The following DPP10 variants were observed in gnomAD, a reference collection of about 807,000 sequenced individuals.
DPP10 encodes the protein dipeptidyl peptidase like 10, also known as inactive dipeptidyl peptidase 10.
DPP10 carries 33 observed loss-of-function variants against 120.9 expected under a neutral mutation model. The observed-to-expected ratio is 0.27, with a 90% CI of 0.21 to 0.37. The LOEUF (loss-of-function observed/expected upper bound fraction) is 0.37, where lower values mean the gene tolerates loss of function less well. DPP10 is among the 10% of genes least tolerant of loss of function. The probability of loss-of-function intolerance (pLI) is 1.00; values close to 1 mark genes in which losing one functional copy is unlikely to be tolerated. For synonymous variants in DPP10, 337 were observed against 326.1 expected, an observed-to-expected ratio of 1.03 and a Z score of -0.36; for missense variants, 816 against 942.8, an observed-to-expected ratio of 0.87 and a Z score of 1.76.
intron 1 of DPP10, among the ~76,000 whole-genome samples, chr2:114,591,554 A>ATTTTTTTTTTTTTTTTTTTTTT (rs70937292): frequency 1.6e-5 from 2 of 124,604 alleles, no homozygotes; most frequent in African/African-American, 6.3e-5. Flanking sequence ...ACCTCTTCCT[A>ATTTTTTTTTTTTTTTTTTTTTT]TTTTTTTTTT....
intron 21 of DPP10, among the ~76,000 whole-genome samples, chr2:115,829,433 T>G (rs1688701155): frequency 1.3e-5 from 2 of 152,120 alleles, no homozygotes; most frequent in African/African-American, 4.8e-5. Context: ...TATAACTCAT[T>G]TTAATATTTT....
intron 1 of DPP10, among the ~76,000 whole-genome samples, chr2:114,684,354 T>C (rs1699230092): frequency 6.6e-6 from 1 of 152,102 alleles, no homozygotes; most frequent in Non-Finnish European, 1.5e-5. Context: ...GTGTGACATG[T>C]TCACCTGGTG....
intron 25 of DPP10, among the ~76,000 whole-genome samples, chr2:115,841,908 A>T (rs1352825507): frequency 6.6e-6 from 1 of 152,236 alleles, no homozygotes; most frequent in African/African-American, 2.4e-5. Context: ...AAGGGCCTTT[A>T]GTCAAAAAGA....
At chr2:115,516,683 A>C (rs1420406654) in intron 4 of DPP10, among the ~76,000 whole-genome samples, 1 of 151,640 alleles carries the variant, frequency 6.6e-6, no homozygotes, top group Non-Finnish European at 1.5e-5. Flanking sequence ...TTCATGTTAA[A>C]ATTAGAGGAT....
At chr2:115,032,950 A>C (rs1422524216) in intron 1 of DPP10, among the ~76,000 whole-genome samples, 2 of 151,950 alleles carry the variant, frequency 1.3e-5, no homozygotes, top group African/African-American at 2.4e-5. Flanking sequence ...GACTTTATAA[A>C]CGTTTTTTAT....
intron 1 of DPP10, among the ~76,000 whole-genome samples, chr2:114,446,683 A>G (rs1344756162): frequency 1.3e-5 from 2 of 152,188 alleles, no homozygotes; most frequent in African/African-American, 4.8e-5. Flanking sequence ...ACGAATCTTT[A>G]AGATTTTCAT....
At chr2:115,455,184 C>G (rs1006874064) in intron 3 of DPP10, among the ~76,000 whole-genome samples, 1 of 151,766 alleles carries the variant, frequency 6.6e-6, no homozygotes, top group East Asian at 1.9e-4. Context: ...AGAGACATTC[C>G]ATGTTCATGA....
At chr2:115,592,471 T>A (rs144193937) in intron 5 of DPP10, among the ~76,000 whole-genome samples, 6 of 152,162 alleles carry the variant, frequency 3.9e-5, no homozygotes, top group African/African-American at 1.4e-4. Flanking sequence ...GGCTCATGCC[T>A]GTAATCCTAG....
chr2:114,472,529 C>A (rs898125641), intron 1 of DPP10, among the ~76,000 whole-genome samples: 1 of 152,070 alleles, frequency 6.6e-6, no homozygotes, highest in African/African-American at 2.4e-5. Context: ...GGGGTTAGTG[C>A]GAGAAAGACT....
chr2:114,858,999 C>T (rs929027052), intron 1 of DPP10, among the ~76,000 whole-genome samples: 3 of 151,930 alleles, frequency 2.0e-5, no homozygotes, highest in Non-Finnish European at 2.9e-5. Flanking sequence ...GAAGACTTAC[C>T]TGTGTGTATG....
chr2:114,570,244 C>T (rs567906606), intron 1 of DPP10, among the ~76,000 whole-genome samples: 1 of 152,224 alleles, frequency 6.6e-6, no homozygotes, highest in East Asian at 1.9e-4. Flanking sequence ...GATAACAAAT[C>T]ATTTTGTTAT....
At chr2:114,890,435 T>G (rs1380437571) in intron 1 of DPP10, among the ~76,000 whole-genome samples, 10 of 151,856 alleles carry the variant, frequency 6.6e-5, no homozygotes, top group Non-Finnish European at 1.5e-4. Context: ...TAAGCAAAGG[T>G]CAAGATCAGG....
intron 5 of DPP10, among the ~76,000 whole-genome samples, chr2:115,683,885 A>G (rs554577481): frequency 9.9e-5 from 15 of 151,886 alleles, no homozygotes; most frequent in Middle Eastern, 6.8e-3. Context: ...GGATTTCAGA[A>G]TCTGTAAGAT....
chr2:115,114,024 A>G (rs2049369831), intron 1 of DPP10, among the ~76,000 whole-genome samples: 1 of 152,190 alleles, frequency 6.6e-6, no homozygotes, highest in Non-Finnish European at 1.5e-5. Context: ...TGCTTGTTGT[A>G]ACCCGAAACC....
chr2:114,695,849 T>C (rs1190982744), intron 1 of DPP10, among the ~76,000 whole-genome samples: 1 of 152,118 alleles, frequency 6.6e-6, no homozygotes, highest in Non-Finnish European at 1.5e-5. Flanking sequence ...AGAAATTGTT[T>C]AGAGCATCAT....
At chr2:115,811,164 C>CT (rs1686599709) in intron 19 of DPP10, among the ~76,000 whole-genome samples, 1 of 152,110 alleles carries the variant, frequency 6.6e-6, no homozygotes, top group South Asian at 2.1e-4. Flanking sequence ...AATCCATGTT[C>CT]TTTTAAGTGT....
At chr2:115,636,322 A>G (rs936596245) in intron 5 of DPP10, among the ~76,000 whole-genome samples, 2 of 152,216 alleles carry the variant, frequency 1.3e-5, no homozygotes, top group African/African-American at 2.4e-5. Context: ...TAACAGTGAA[A>G]TGCAATGCAT....
chr2:115,296,370 G>A (rs1299177672), intron 1 of DPP10, among the ~76,000 whole-genome samples: 2 of 152,030 alleles, frequency 1.3e-5, no homozygotes, highest in South Asian at 2.1e-4. Context: ...GTCGTATTTC[G>A]CCAATGGCTT....
chr2:115,017,060 A>T (rs1199251169), intron 1 of DPP10, among the ~76,000 whole-genome samples: 2 of 83,086 alleles, frequency 2.4e-5, no homozygotes, highest in Non-Finnish European at 4.5e-5. Flanking sequence ...ACTGTTGTGG[A>T]GTGGGGGGAG....
Sources: gnomAD v4.1 joint callset for allele counts (sites outside exome capture counted in the v4.1 genomes callset) on GRCh38, gnomAD v4.1.1 for gene constraint, MANE v1.5 for transcripts, NCBI Gene and HGNC (gene_info 2026-07-23, HGNC 2026-07-21) for gene names.